PIK3R3: variants seen among roughly 807,000 people sequenced by gnomAD.
The protein encoded by PIK3R3 is phosphoinositide-3-kinase regulatory subunit 3, also known as phosphatidylinositol 3-kinase regulatory subunit gamma.
In PIK3R3, 64 loss-of-function variants were observed where a neutral mutation model predicts 62.9. That is an observed-to-expected ratio of 1.02 (90% CI 0.83 to 1.25). PIK3R3 has a LOEUF of 1.25. PIK3R3 is among the 50% of genes most tolerant of loss of function. PIK3R3 has a pLI of 0.00. For missense variants in PIK3R3, 614 were observed against 561.6 expected, an observed-to-expected ratio of 1.09 and a Z score of -0.94; for synonymous variants, 165 against 189.0, an observed-to-expected ratio of 0.87 and a Z score of 1.04.
the PIK3R3 span, among the ~76,000 whole-genome samples, chr1:46,139,471 A>G: frequency 6.6e-6 from 1 of 151,958 alleles, no homozygotes; most frequent in Non-Finnish European, 1.5e-5. Context: ...ATGCCTGGCT[A>G]ATTTTTTCTA....
At chr1:46,097,478 A>G (rs1222081963) in intron 1 of PIK3R3, among the ~76,000 whole-genome samples, 1 of 152,232 alleles carries the variant, frequency 6.6e-6, no homozygotes, top group Non-Finnish European at 1.5e-5. Context: ...GAGTATCTAC[A>G]GAAAACCCAC....
chr1:46,098,122 G>A, intron 1 of PIK3R3, among the ~76,000 whole-genome samples: 1 of 151,990 alleles, frequency 6.6e-6, no homozygotes, highest in East Asian at 1.9e-4. Flanking sequence ...AAAATGAAAT[G>A]TAAAAAAAAT....
the PIK3R3 span, among the ~76,000 whole-genome samples, chr1:46,139,839 A>G: frequency 1.3e-5 from 2 of 152,086 alleles, no homozygotes; most frequent in Admixed American, 1.3e-4. Context: ...CTTGGATCCT[A>G]TCTTCTTTTC....
intron 5 of PIK3R3, among the ~76,000 whole-genome samples, chr1:46,062,584 A>AAAACAG (rs1295400706): frequency 6.6e-6 from 1 of 151,832 alleles, no homozygotes; most frequent in African/African-American, 2.4e-5. Context: ...CAAAAAAACA[A>AAAACAG]AAAGGCATCT....
At chr1:46,052,491 T>C (rs558086400) in intron 7 of PIK3R3, among the ~76,000 whole-genome samples, 2 of 152,192 alleles carry the variant, frequency 1.3e-5, no homozygotes, top group Non-Finnish European at 1.5e-5. Context: ...TATTGAGTTA[T>C]AATACACATA....
chr1:46,050,046 G>A (rs1647226179), intron 7 of PIK3R3, among the ~76,000 whole-genome samples: 1 of 150,950 alleles, frequency 6.6e-6, no homozygotes, highest in African/African-American at 2.4e-5. Flanking sequence ...GCTTGAACCT[G>A]GGAGGCAGAG....
At chr1:46,093,395 C>A (rs982136324) in intron 1 of PIK3R3, among the ~76,000 whole-genome samples, 5 of 152,032 alleles carry the variant, frequency 3.3e-5, no homozygotes, top group African/African-American at 1.2e-4. Context: ...TTTGCAATGC[C>A]CCCTAATTTC....
At chr1:46,169,508 A>G in the PIK3R3 span, among the ~76,000 whole-genome samples, 15 of 152,200 alleles carry the variant, frequency 9.9e-5, no homozygotes, top group African/African-American at 3.6e-4. Context: ...AAAAGCAGGA[A>G]TATACAATCC....
In PIK3R3 at chr1:46,046,160, C is replaced by G. The variant is rs557323245; in HGVS notation, c.1017-72G>C. 55 of 914,338 alleles carry G rather than the reference C, an allele frequency of 6.0e-5. 1 individual carries two copies. The Middle Eastern group carries it at 8.9e-4, about 15-fold the overall frequency. The allele number at this position is 914,338 out of a possible 1,614,324, so 56.6% of individuals were successfully genotyped here. A position where few individuals can be genotyped will look rare whatever the true frequency, so the allele number is the denominator to read the frequency against. On this transcript the variant is annotated intron_variant, in intron 8 of 9. Coordinates refer to ENST00000262741, the MANE Select transcript of PIK3R3 (RefSeq NM_003629.4). ...TAAAAGCAAATTCATAAATAAAACA[C>G]TCTTCTAAATCTTTAAACCACAAAT... is the stretch of plus-strand genomic sequence containing the variant.
intron 1 of PIK3R3, among the ~76,000 whole-genome samples, chr1:46,088,012 A>C (rs896944722): frequency 5.3e-5 from 8 of 152,130 alleles, no homozygotes; most frequent in African/African-American, 1.9e-4. Context: ...GAAAATGAAA[A>C]AGTTCTGGAG....
chr1:46,049,121 C>T (rs1399023311), intron 7 of PIK3R3, among the ~76,000 whole-genome samples: 1 of 149,946 alleles, frequency 6.7e-6, no homozygotes, highest in African/African-American at 2.5e-5. Flanking sequence ...TATTTTTTGG[C>T]ATGGTCTTGG....
the PIK3R3 span, among the ~76,000 whole-genome samples, chr1:46,152,007 C>T: frequency 2.6e-5 from 4 of 152,228 alleles, no homozygotes; most frequent in Admixed American, 6.5e-5. Context: ...TGGAACAGCA[C>T]TAAAACTCAC....
the PIK3R3 span, among the ~76,000 whole-genome samples, chr1:46,170,344 C>T: frequency 6.6e-6 from 1 of 152,146 alleles, no homozygotes; most frequent in East Asian, 1.9e-4. Flanking sequence ...CCTGCTGCCC[C>T]CTGCCCCTCA....
chr1:46,138,068 A>C, the PIK3R3 span, among the ~76,000 whole-genome samples: 2 of 152,232 alleles, frequency 1.3e-5, no homozygotes, highest in African/African-American at 4.8e-5. Flanking sequence ...AATTGTTTGC[A>C]AAATTCCAAG....
At chr1:46,043,933 A>C in intron 9 of PIK3R3, 62 bp from the exon 10 acceptor site, 1 of 1,380,496 alleles carries the variant, frequency 7.2e-7, no homozygotes, top group Non-Finnish European at 1.0e-6. Context: ...AGGACACTAA[A>C]TGGCCAGAAG....
the PIK3R3 span, among the ~76,000 whole-genome samples, chr1:46,158,970 C>T: frequency 9.9e-5 from 15 of 152,168 alleles, no homozygotes; most frequent in African/African-American, 3.6e-4. Flanking sequence ...GCCTGCTATC[C>T]CAGCTACTCA....
At chr1:46,084,936 A>G (rs1389528109) in intron 1 of PIK3R3, among the ~76,000 whole-genome samples, 1 of 152,162 alleles carries the variant, frequency 6.6e-6, no homozygotes, top group East Asian at 1.9e-4. Flanking sequence ...TCACCTTCAA[A>G]CGGTGTTATG....
At chr1:46,112,207 T>G (rs1653804368) in intron 1 of PIK3R3, among the ~76,000 whole-genome samples, 1 of 152,234 alleles carries the variant, frequency 6.6e-6, no homozygotes, top group Non-Finnish European at 1.5e-5. Flanking sequence ...TGGGATCTTA[T>G]TATACACATT....
At position 46,046,596 on chromosome 1, in the gene PIK3R3, T is replaced by G; in HGVS notation, c.971A>C (p.Lys324Thr). Reference protein sequence around the residue: ...VWLNHKGVRQKRLNVWLGIKN... With the variant: ...VWLNHKGVRQTRLNVWLGIKN... ...AATTCCCAGCCAGACATTCAGGCGTTTCTGTCTCACTCCTTTGTGATTGAG... is the reference window on the plus strand; with the variant it reads ...AATTCCCAGCCAGACATTCAGGCGTGTCTGTCTCACTCCTTTGTGATTGAG... The change falls in exon 8 of 10, where the codon AAA becomes ACA. Residue 324 changes from lysine (K) to threonine (T), a missense_variant. Transcript: ENST00000262741. 1 of 1,613,764 alleles carries G rather than the reference T, an allele frequency of 6.2e-7. No homozygotes were observed. Among genetic ancestry groups the G allele is most frequent in the Non-Finnish European group, 8.5e-7 (1 of 1,179,630 alleles).
Sources: allele counts gnomAD v4.1 joint callset (sites outside exome capture counted in the v4.1 genomes callset), GRCh38; gene constraint gnomAD v4.1.1; transcripts MANE v1.5; gene names NCBI Gene and HGNC (gene_info 2026-07-23, HGNC 2026-07-21).